Variants in NME9 observed in about 807,000 individuals in gnomAD.
NME9 encodes thioredoxin domain-containing protein 6.
NME9 carries 48 observed loss-of-function variants against 44.4 expected under a neutral mutation model. That is an observed-to-expected ratio of 1.08 (90% CI 0.86 to 1.37). The LOEUF (loss-of-function observed/expected upper bound fraction) is 1.37, where lower values mean the gene tolerates loss of function less well. NME9 is among the 40% of genes most tolerant of loss of function. The pLI, the probability that NME9 is intolerant of heterozygous loss-of-function variation, is 0.00. For synonymous variants in NME9, 139 were observed against 147.1 expected (o/e 0.94, Z 0.40); for missense variants, 325 against 405.2 (o/e 0.80, Z 1.70).
In NME9 at chr3:138,319,851, G is replaced by T. The variant is rs545944511; in HGVS notation, c.92-270C>A. Among the ~76,000 whole-genome samples the T allele has an allele frequency of 4.6e-5, 7 of 152,204 alleles. No homozygotes were observed. The South Asian group carries it at 1.2e-3, about 27-fold the overall frequency. On this transcript the variant is annotated intron_variant, in intron 2 of 10. Coordinates refer to ENST00000333911, the MANE Select transcript of NME9 (RefSeq NM_001349018.2). ...CTTAACATGGCTCCTTTATCTTAAG[G>T]GTTCTTCAGGCTACATTCAGGGTTA...
chr3:138,305,214 G>A (rs540150953), intron 8 of NME9, among the ~76,000 whole-genome samples, 187 bp from the exon 9 acceptor site: 1 of 152,320 alleles, frequency 6.6e-6, no homozygotes, highest in African/African-American at 2.4e-5. Context: ...GCTGTGGAGG[G>A]TGTCAGGGAT....
chr3:138,275,112 A>T (rs2049150406), intron 8 of NME9, among the ~76,000 whole-genome samples: 1 of 152,100 alleles, frequency 6.6e-6, no homozygotes, highest in Admixed American at 6.5e-5. Context: ...ATTTTCTGGG[A>T]TTTATCATGG....
At chr3:138,261,930 G>A (rs983180591) in exon 9 of NME9, 3 of 152,242 alleles carry the variant, frequency 2.0e-5, no homozygotes, top group African/African-American at 4.8e-5. Context: ...GCATGAGGGA[G>A]GCAGAAGAAT....
chr3:138,304,207 G>C (rs1402148762), intron 9 of NME9, among the ~76,000 whole-genome samples: 1 of 152,168 alleles, frequency 6.6e-6, no homozygotes, highest in African/African-American at 2.4e-5. Flanking sequence ...TCCTGAGCTG[G>C]CTTTCACTAG....
At chr3:138,290,579 TG>T in intron 8 of NME9, 1 of 1,607,686 alleles carries the variant, frequency 6.2e-7, no homozygotes, top group Admixed American at 1.7e-5. Context: ...TTACGAGACA[TG>T]GGCATCGTAG....
At chr3:138,319,250 C>T (rs924843934) in intron 3 of NME9, among the ~76,000 whole-genome samples, 2 of 152,034 alleles carry the variant, frequency 1.3e-5, no homozygotes, top group African/African-American at 4.8e-5. Flanking sequence ...TCATACAGCA[C>T]CAAGAACTGC....
At chr3:138,264,444 T>G (rs2048065580) in intron 8 of NME9, among the ~76,000 whole-genome samples, 1 of 119,744 alleles carries the variant, frequency 8.4e-6, no homozygotes, top group Non-Finnish European at 1.7e-5. Context: ...TTTTGAGATG[T>G]AGTCTAGCTC....
chr3:138,272,981 G>C, intron 8 of NME9: 3 of 1,602,714 alleles, frequency 1.9e-6, no homozygotes, highest in Non-Finnish European at 2.6e-6. Flanking sequence ...TGGCATTTCA[G>C]GCTGAACAAA....
chr3:138,288,385 A>G (rs538479051), intron 8 of NME9, among the ~76,000 whole-genome samples: 28 of 152,256 alleles, frequency 1.8e-4, no homozygotes, highest in Non-Finnish European at 3.7e-4. Context: ...TAGAATTGTC[A>G]TATGACAGTG....
At position 138,290,714 on chromosome 3, in the gene NME9, A is replaced by T. The variant is rs115448804; in HGVS notation, c.745+12793T>A. 2.4e-4 allele frequency: 226 copies of T among 925,996 alleles called. 1 individual carries two copies. Among genetic ancestry groups the T allele is most frequent in the Non-Finnish European group, 3.5e-4 (211 of 597,082 alleles). The allele number at this position is 925,996 out of a possible 1,614,324, so 57.4% of individuals were successfully genotyped here. On this transcript the variant is annotated intron_variant, in intron 8 of 8. Coordinates refer to the NME9 transcript ENST00000317876. ...CGTGAAAGGGTTTGAATTGCTTGGTAATTAATGGCCATACTTTTTAAAATC... is the reference window on the plus strand; with the variant it reads ...CGTGAAAGGGTTTGAATTGCTTGGTTATTAATGGCCATACTTTTTAAAATC...
chr3:138,295,055 C>T (rs938565813), intron 8 of NME9, among the ~76,000 whole-genome samples: 4 of 152,026 alleles, frequency 2.6e-5, no homozygotes, highest in Non-Finnish European at 5.9e-5. Context: ...CCCGCTGCCA[C>T]ACTCGGCTAA....
At chr3:138,273,992 A>G (rs1222673704) in intron 8 of NME9, among the ~76,000 whole-genome samples, 1 of 151,566 alleles carries the variant, frequency 6.6e-6, no homozygotes, top group Non-Finnish European at 1.5e-5. Context: ...AATTTTTTGT[A>G]TTTGTAGTAG....
chr3:138,315,992 C>T (rs1383455226), intron 4 of NME9, among the ~76,000 whole-genome samples: 4 of 152,086 alleles, frequency 2.6e-5, no homozygotes, highest in South Asian at 4.2e-4. Context: ...CCACCATGCC[C>T]GGCTAATTTT....
At chr3:138,268,258 CA>C (rs2048463675) in intron 8 of NME9, among the ~76,000 whole-genome samples, 1 of 151,460 alleles carries the variant, frequency 6.6e-6, no homozygotes, top group East Asian at 1.9e-4. Flanking sequence ...TAAAACAAAA[CA>C]AAAAAACAAG....
At chr3:138,282,410 G>A (rs2050020646) in intron 8 of NME9, among the ~76,000 whole-genome samples, 1 of 152,160 alleles carries the variant, frequency 6.6e-6, no homozygotes, top group Non-Finnish European at 1.5e-5. Context: ...CACTTTGGGA[G>A]GCCAGGGCGG....
chr3:138,325,201 T>C (rs2053704369), intron 1 of NME9, among the ~76,000 whole-genome samples: 1 of 152,246 alleles, frequency 6.6e-6, no homozygotes, highest in Admixed American at 6.5e-5. Context: ...TAAATTGTTT[T>C]TGTGTCCTTA....
At position 138,301,542 on chromosome 3, in the gene NME9, A is replaced by G. The variant is rs2051847322; in HGVS notation, c.*98T>C. On this transcript the variant is annotated 3_prime_UTR_variant, in exon 11 of 11. Transcript: ENST00000333911. ...TTGTCTACAAAAGACAGCTAAACCA[A>G]AAAGTATTGGTACTCAAAAGAGTAA... The G allele has an allele frequency of 1.3e-6, 2 of 1,495,484 alleles. No individual in the cohort carries two copies. Among genetic ancestry groups the G allele is most frequent in the Non-Finnish European group, 8.9e-7 (1 of 1,126,248 alleles). The allele number at this position is 1,495,484 out of a possible 1,614,324, so 92.6% of individuals were successfully genotyped here. A position where few individuals can be genotyped will look rare whatever the true frequency, so the allele number is the denominator to read the frequency against.
chr3:138,292,637 G>A (rs2051076537), intron 8 of NME9, among the ~76,000 whole-genome samples: 1 of 152,192 alleles, frequency 6.6e-6, no homozygotes, highest in Non-Finnish European at 1.5e-5. Context: ...AGATGGTGAG[G>A]AATATAGAAG....
intron 3 of NME9, 53 bp downstream of exon 3, chr3:138,319,425 T>A (rs1253164344): frequency 9.3e-7 from 1 of 1,081,062 alleles, no homozygotes; most frequent in Non-Finnish European, 1.4e-6. Flanking sequence ...TCTTTTAAAT[T>A]TTTAAATTCT....
Sources: allele counts gnomAD v4.1 joint callset (sites outside exome capture counted in the v4.1 genomes callset), GRCh38; gene constraint gnomAD v4.1.1; transcripts MANE v1.5; gene names NCBI Gene and HGNC (gene_info 2026-07-23, HGNC 2026-07-21).